ISCA1: variants seen among roughly 807,000 people sequenced by gnomAD.
The protein encoded by ISCA1 is iron-sulfur cluster assembly 1.
Under a neutral mutation model 14.7 loss-of-function variants are expected in ISCA1, and 9 were observed. The observed-to-expected ratio is 0.61, with a 90% CI of 0.37 to 1.07. The LOEUF (loss-of-function observed/expected upper bound fraction) is 1.07, where lower values mean the gene tolerates loss of function less well. Ranked by LOEUF, ISCA1 falls within the 50% of genes least tolerant of loss-of-function variation. The probability of loss-of-function intolerance (pLI) is 0.01; values close to 1 mark genes in which losing one functional copy is unlikely to be tolerated. For missense variants in ISCA1, 102 were observed against 150.1 expected (o/e 0.68, Z 1.67); for synonymous variants, 38 against 54.3 (o/e 0.70, Z 1.32).
chr9:86,269,556 C>A (rs1825339554), intron 3 of ISCA1, among the ~76,000 whole-genome samples: 1 of 151,844 alleles, frequency 6.6e-6, no homozygotes. Flanking sequence ...CATCAAGCTA[C>A]CAATGACTTT....
chr9:86,265,738 G>C lies in ISCA1; in HGVS notation c.*305C>G. 2.4e-6 allele frequency: 1 copy of C among 415,872 alleles called. No individual in the cohort carries two copies. 25.8% of individuals were successfully genotyped at this position (415,872 alleles called of 1,614,324 possible). ...GAGGGATGATCAAGCCATCAATAGC[G>C]ATCTAAGGAGTGCACACAGTTCAGG... On this transcript the variant is annotated 3_prime_UTR_variant, in exon 4 of 4. Transcript: ENST00000375991.
intron 3 of ISCA1, among the ~76,000 whole-genome samples, chr9:86,271,141 G>C (rs1205707206): frequency 6.6e-6 from 1 of 151,828 alleles, no homozygotes; most frequent in Non-Finnish European, 1.5e-5. Context: ...TCTTTGTTTA[G>C]GTACGTTTAC....
In ISCA1 at chr9:86,266,203, GA is replaced by G. The variant is rs1231320703; in HGVS notation, c.242-13del. The G allele has an allele frequency of 1.3e-6, 2 of 1,595,056 alleles. No individual in the cohort carries two copies. The highest frequency in any genetic ancestry group is 3.6e-5 in the Admixed American group (2 of 55,788). ...GAATACTCTGACTCCTTGGAGAAAA[GA>G]AAACATGTGTCATGGAAAGCCTGCA... On this transcript the variant is annotated splice_polypyrimidine_tract_variant and intron_variant, in intron 3 of 3. Coordinates refer to ENST00000375991, the MANE Select transcript of ISCA1 (RefSeq NM_030940.4).
intron 2 of ISCA1, 70 bp downstream of exon 2, chr9:86,274,119 A>G: frequency 1.2e-6 from 1 of 865,456 alleles, no homozygotes. Flanking sequence ...AATACTGTAT[A>G]TCATGGGATA....
intron 1 of ISCA1, 162 bp downstream of exon 1, chr9:86,282,216 C>CGGAGGCGAA (rs989352144): frequency 1.4e-6 from 1 of 714,490 alleles, no homozygotes; most frequent in African/African-American, 1.9e-5. Context: ...AAAGAGGGGC[C>CGGAGGCGAA]GGAGGCGAAG....
chr9:86,270,116 T>C (rs1258450677), intron 3 of ISCA1, among the ~76,000 whole-genome samples: 1 of 148,786 alleles, frequency 6.7e-6, no homozygotes, highest in African/African-American at 2.5e-5. Context: ...CTAAAGAGCT[T>C]CTGCACAGCA....
At chr9:86,269,182 A>G (rs1825332329) in intron 3 of ISCA1, among the ~76,000 whole-genome samples, 1 of 152,172 alleles carries the variant, frequency 6.6e-6, no homozygotes, top group Non-Finnish European at 1.5e-5. Context: ...GTGTTAACAC[A>G]CCCGACCACA....
In ISCA1 at chr9:86,274,239, G is replaced by T. The variant is rs1032017626; in HGVS notation, c.85C>A (p.Pro29Thr). Reference protein sequence around the residue: ...QPTRAALTLTPSAVNKIKQLL... With the variant: ...QPTRAALTLTTSAVNKIKQLL... Reference sequence around the variant, plus strand: ...TGTTTTATCTTGTTTACTGCTGAAGGTGTCTGAAAAAAGAAAATGATGTTT... The same window carrying T: ...TGTTTTATCTTGTTTACTGCTGAAGTTGTCTGAAAAAAGAAAATGATGTTT... The change falls in exon 2 of 4, where the codon CCT (proline) becomes ACT (threonine). Residue 29 changes from proline (P) to threonine (T), a missense_variant. Transcript: ENST00000375991. 11 of 1,586,738 alleles carry T rather than the reference G, an allele frequency of 6.9e-6. No individual in the cohort carries two copies. The highest frequency in any genetic ancestry group is 9.5e-6 in the Non-Finnish European group (11 of 1,156,000).
rs568472591 is a variant in ISCA1 at position 86,271,851 on chromosome 9, A to T, written c.241+156T>A. ...CCACATTCAGCATTGTGTATAAATC[A>T]GTTAATACATGAAATTCCATCAAAC... On this transcript the variant is annotated intron_variant, in intron 3 of 3. Transcript: ENST00000375991. 7.1e-4 allele frequency among the ~76,000 whole-genome samples: 108 copies of T among 152,348 alleles called. 3 individuals are homozygous for T. In the South Asian group the frequency reaches 0.014, roughly 20 times the overall value.
At chr9:86,267,854 A>AT in intron 3 of ISCA1, 1 of 153,294 alleles carries the variant, frequency 6.5e-6, no homozygotes, top group Non-Finnish European at 1.4e-5. Context: ...AAAAAAAAAA[A>AT]GGATTATAAT....
At chr9:86,267,540 T>C in intron 3 of ISCA1, 1 of 966,726 alleles carries the variant, frequency 1.0e-6, no homozygotes. Flanking sequence ...TAACAGATTA[T>C]AGGGTGGAAG....
rs374369045 is a variant in ISCA1 at position 86,272,034 on chromosome 9, C to G, written c.214G>C (p.Asp72His). 4.4e-6 allele frequency: 7 copies of G among 1,602,284 alleles called. No homozygotes were observed. In the African/African-American group the frequency reaches 8.0e-5, roughly 18 times the overall value. The change falls in exon 3 of 4, where the codon GAT becomes CAT. Residue 72 changes from aspartate (D) to histidine (H), a missense_variant. Coordinates refer to ENST00000375991, the MANE Select transcript of ISCA1 (RefSeq NM_030940.4). ...TCTTGAATAACTTCTTCATCAGAAT[C>G]TCCTTTTGTCTTTGTATATTCTAGA... is the stretch of plus-strand genomic sequence containing the variant. ...YTLEYTKTKG[D>H]SDEEVIQDGV...
Position 86,272,058 on chromosome 9 carries a change from G to GACAAA in ISCA1, c.189_190insTTTGT (p.Leu64PhefsTer3). On this transcript the variant is annotated frameshift_variant, in exon 3 of 4. Transcript: ENST00000375991. LOFTEE classifies it high-confidence loss of function. Reference sequence around the variant, plus strand: ...TCTCCTTTTGTCTTTGTATATTCTAGAGTATAAGAAAGGCCATTACAGCCC... The same window carrying GACAAA: ...TCTCCTTTTGTCTTTGTATATTCTAGACAAAAGTATAAGAAAGGCCATTACAGCCC... 1 of 1,607,500 alleles carries GACAAA rather than the reference G, an allele frequency of 6.2e-7. No homozygotes were observed. The highest frequency in any genetic ancestry group is 8.5e-7 in the Non-Finnish European group (1 of 1,174,576).
intron 3 of ISCA1, among the ~76,000 whole-genome samples, chr9:86,268,891 G>T (rs1825327697): frequency 6.6e-6 from 1 of 152,120 alleles, no homozygotes; most frequent in Non-Finnish European, 1.5e-5. Context: ...GCCTCCTGGG[G>T]TTCAAGCGAT....
chr9:86,273,092 G>A (rs1045293344), intron 2 of ISCA1, among the ~76,000 whole-genome samples: 1 of 152,050 alleles, frequency 6.6e-6, no homozygotes, highest in East Asian at 1.9e-4. Context: ...TCTACTCATC[G>A]GTCTATCCAA....
intron 1 of ISCA1, among the ~76,000 whole-genome samples, chr9:86,275,201 A>G (rs2147063): frequency 0.75 from 114,204 of 151,928 alleles, 44,513 homozygotes; most frequent in East Asian, 0.99. Flanking sequence ...GCACAAAAAT[A>G]CCAAGTATTA....
intron 1 of ISCA1, among the ~76,000 whole-genome samples, chr9:86,281,339 T>G (rs1317416285): frequency 2.0e-5 from 3 of 152,238 alleles, no homozygotes; most frequent in African/African-American, 7.2e-5. Flanking sequence ...TGCTACAAAC[T>G]TATTTTCTGG....
chr9:86,280,566 G>C (rs1265843592), intron 1 of ISCA1, among the ~76,000 whole-genome samples: 1 of 144,124 alleles, frequency 6.9e-6, no homozygotes, highest in Non-Finnish European at 1.5e-5. Flanking sequence ...CTGCACTCCA[G>C]CCTGGGCAAC....
chr9:86,274,494 C>G (rs1825417754), intron 1 of ISCA1, among the ~76,000 whole-genome samples: 1 of 152,056 alleles, frequency 6.6e-6, no homozygotes, highest in South Asian at 2.1e-4. Flanking sequence ...GTTCCCTGTC[C>G]TTCTCTCTAT....
Sources: gnomAD v4.1 joint callset for allele counts (sites outside exome capture counted in the v4.1 genomes callset) on GRCh38, gnomAD v4.1.1 for gene constraint, MANE v1.5 for transcripts, NCBI Gene and HGNC (gene_info 2026-07-23, HGNC 2026-07-21) for gene names.